TMTC2: variants seen among roughly 807,000 people sequenced by gnomAD.
TMTC2 encodes transmembrane O-mannosyltransferase targeting cadherins 2.
Under a neutral mutation model 82.4 loss-of-function variants are expected in TMTC2, and 43 were observed. That is an observed-to-expected ratio of 0.52 (90% confidence interval 0.41 to 0.67). TMTC2 has a LOEUF of 0.67. Ranked by LOEUF, TMTC2 falls within the 30% of genes least tolerant of loss-of-function variation. The pLI, the probability that TMTC2 is intolerant of heterozygous loss-of-function variation, is 0.00. For synonymous variants in TMTC2, 408 were observed against 381.9 expected (o/e 1.07, Z -0.80); for missense variants, 919 against 1,012.4 (o/e 0.91, Z 1.25).
chr12:82,762,309 A>G (rs1387960318), intron 1 of TMTC2, among the ~76,000 whole-genome samples: 1 of 151,998 alleles, frequency 6.6e-6, no homozygotes, highest in African/African-American at 2.4e-5. Context: ...TTTCTGGCAC[A>G]TTGCTGGGCA....
intron 1 of TMTC2, among the ~76,000 whole-genome samples, chr12:82,842,561 G>A (rs759222391): frequency 7.2e-5 from 11 of 152,184 alleles, no homozygotes; most frequent in Non-Finnish European, 1.2e-4. Context: ...TATAGCATAT[G>A]TAATAATATG....
At position 83,069,680 on chromosome 12, in the gene TMTC2, A is replaced by G. The variant is rs189098148; in HGVS notation, c.2331+7849A>G. Among the ~76,000 whole-genome samples, 443 of 152,236 alleles carry G rather than the reference A, an allele frequency of 2.9e-3. 2 individuals carry two copies. Among genetic ancestry groups the G allele is most frequent in the Middle Eastern group, 0.017 (5 of 292 alleles). On this transcript the variant is annotated intron_variant, in intron 11 of 11. Coordinates refer to ENST00000321196, the MANE Select transcript of TMTC2 (RefSeq NM_152588.3). ...CTGCTGACTGTTTCTTTTGCTGTGCAAAAAAGCTCTTTAGTTTAATTAGGT... is the reference window on the plus strand; with the variant it reads ...CTGCTGACTGTTTCTTTTGCTGTGCGAAAAAGCTCTTTAGTTTAATTAGGT...
At chr12:82,928,189 T>A (rs1875830387) in intron 3 of TMTC2, among the ~76,000 whole-genome samples, 1 of 152,184 alleles carries the variant, frequency 6.6e-6, no homozygotes, top group African/African-American at 2.4e-5. Context: ...CTAAGACTAC[T>A]ATCAAAATGG....
chr12:82,884,093 G>A (rs1872969849), intron 2 of TMTC2, among the ~76,000 whole-genome samples: 1 of 152,102 alleles, frequency 6.6e-6, no homozygotes, highest in Non-Finnish European at 1.5e-5. Context: ...TAGGGGCTAT[G>A]GCACACCCCT....
intron 7 of TMTC2, among the ~76,000 whole-genome samples, chr12:82,976,679 G>A (rs1398530739): frequency 6.6e-6 from 1 of 151,950 alleles, no homozygotes; most frequent in African/African-American, 2.4e-5. Flanking sequence ...AAAAATATTG[G>A]GATGGAGATA....
At chr12:82,950,801 A>G (rs1411273842) in intron 4 of TMTC2, among the ~76,000 whole-genome samples, 3 of 152,236 alleles carry the variant, frequency 2.0e-5, no homozygotes, top group African/African-American at 7.2e-5. Flanking sequence ...AAAAACTCAT[A>G]TAAAAATTAT....
At chr12:82,736,621 G>T (rs1875138492) in intron 1 of TMTC2, among the ~76,000 whole-genome samples, 1 of 152,130 alleles carries the variant, frequency 6.6e-6, no homozygotes, top group Non-Finnish European at 1.5e-5. Flanking sequence ...CCACAGCCTT[G>T]TCAGAGAGGG....
At chr12:82,827,237 G>T (rs934426109) in intron 1 of TMTC2, among the ~76,000 whole-genome samples, 5 of 152,050 alleles carry the variant, frequency 3.3e-5, no homozygotes, top group African/African-American at 1.2e-4. Context: ...TTTGTGTAGA[G>T]TTCAAAACCT....
intron 2 of TMTC2, among the ~76,000 whole-genome samples, chr12:82,873,762 C>T (rs1380638772): frequency 2.6e-5 from 4 of 152,044 alleles, no homozygotes; most frequent in Non-Finnish European, 2.9e-5. Context: ...GGAGTTTTAT[C>T]GAATTATAAA....
intron 3 of TMTC2, among the ~76,000 whole-genome samples, chr12:82,922,459 G>A (rs1875453913): frequency 1.3e-5 from 2 of 152,098 alleles, no homozygotes; most frequent in South Asian, 4.1e-4. Flanking sequence ...GATGATGTGT[G>A]ACCTTAATTT....
chr12:82,751,946 C>A (rs1876030235), intron 1 of TMTC2, among the ~76,000 whole-genome samples: 1 of 152,004 alleles, frequency 6.6e-6, no homozygotes, highest in African/African-American at 2.4e-5. Flanking sequence ...GCCTCTCGAT[C>A]ATTGTGAACA....
chr12:82,824,341 A>G (rs1043335017), intron 1 of TMTC2, among the ~76,000 whole-genome samples: 1 of 152,252 alleles, frequency 6.6e-6, no homozygotes, highest in African/African-American at 2.4e-5. Flanking sequence ...TTTGGTGGTC[A>G]GGCTAATCAG....
At chr12:83,113,173 CA>C (rs1884649908) in intron 11 of TMTC2, among the ~76,000 whole-genome samples, 1 of 151,942 alleles carries the variant, frequency 6.6e-6, no homozygotes, top group Non-Finnish European at 1.5e-5. Flanking sequence ...TTTATATTAA[CA>C]AGGTAGAACA....
At chr12:82,822,564 T>C (rs1359327412) in intron 1 of TMTC2, among the ~76,000 whole-genome samples, 1 of 152,190 alleles carries the variant, frequency 6.6e-6, no homozygotes, top group Non-Finnish European at 1.5e-5. Context: ...CTTTATGAAA[T>C]ACCATACTAA....
chr12:83,016,095 G>T (rs1414051548), intron 8 of TMTC2, among the ~76,000 whole-genome samples: 4 of 152,178 alleles, frequency 2.6e-5, no homozygotes, highest in Non-Finnish European at 4.4e-5. Context: ...AGCCTGGCAG[G>T]AAGTAGAAAT....
chr12:82,920,501 G>A (rs1036004999), intron 3 of TMTC2, among the ~76,000 whole-genome samples: 2 of 152,180 alleles, frequency 1.3e-5, no homozygotes, highest in South Asian at 4.1e-4. Context: ...TGTGGACTAA[G>A]TACAAGAGAA....
chr12:83,008,258 G>A (rs746276735), intron 8 of TMTC2, among the ~76,000 whole-genome samples: 11 of 151,962 alleles, frequency 7.2e-5, no homozygotes, highest in Non-Finnish European at 1.2e-4. Flanking sequence ...ATTTGGGAAC[G>A]CCCTCAATCA....
chr12:82,723,548 A>G (rs1027411077), intron 1 of TMTC2, among the ~76,000 whole-genome samples: 1 of 152,214 alleles, frequency 6.6e-6, no homozygotes. Context: ...TGTTTCATGT[A>G]CACCTCATAT....
intron 11 of TMTC2, among the ~76,000 whole-genome samples, chr12:83,116,750 AT>A (rs1460434774): frequency 1.3e-5 from 2 of 151,854 alleles, no homozygotes; most frequent in African/African-American, 4.8e-5. Flanking sequence ...AGAATTGTCT[AT>A]TCATGTCCTT....
Sources: allele counts gnomAD v4.1 joint callset (sites outside exome capture counted in the v4.1 genomes callset), GRCh38; gene constraint gnomAD v4.1.1; transcripts MANE v1.5; gene names NCBI Gene and HGNC (gene_info 2026-07-23, HGNC 2026-07-21).